The following PDXDC1 variants were observed in gnomAD, a reference collection of about 807,000 sequenced individuals.
The protein encoded by PDXDC1 is pyridoxal dependent decarboxylase domain containing 1.
Under a neutral mutation model 100.1 loss-of-function variants are expected in PDXDC1, and 42 were observed. The ratio of observed to expected loss-of-function variants is 0.42; its 90% CI spans 0.33 to 0.54. PDXDC1 has a LOEUF of 0.54. Ranked by LOEUF, PDXDC1 falls within the 20% of genes least tolerant of loss-of-function variation. The pLI is 0.10. For synonymous variants in PDXDC1, 260 were observed against 371.7 expected, an observed-to-expected ratio of 0.70 and a Z score of 3.46; for missense variants, 636 against 979.2, an observed-to-expected ratio of 0.65 and a Z score of 4.68.
chr16:15,148,735 C>A, the PDXDC1 span, among the ~76,000 whole-genome samples: 1 of 151,840 alleles, frequency 6.6e-6, no homozygotes, highest in Non-Finnish European at 1.5e-5. Context: ...CCTGTATGAT[C>A]TGGATGCAAG....
chr16:15,032,146 T>C, intron 17 of PDXDC1: 1 of 551,120 alleles, frequency 1.8e-6, no homozygotes, highest in East Asian at 2.9e-5. Context: ...GACTCTCAGC[T>C]ACCTAGGAGA....
chr16:15,132,356 G>A (rs1328264872), intron 16 of PDXDC1, among the ~76,000 whole-genome samples: 8 of 19,856 alleles, frequency 4.0e-4, no homozygotes, highest in Non-Finnish European at 4.2e-4. Context: ...TAGGGGAGGG[G>A]GGAGGGGCAA....
intron 16 of PDXDC1, chr16:15,074,905 T>G (rs745919614): frequency 1.3e-6 from 2 of 1,550,564 alleles, no homozygotes; most frequent in South Asian, 2.4e-5. Flanking sequence ...AAATTCAATG[T>G]CAAAGTGGTT....
At chr16:14,998,593 C>T (rs542648106) in intron 3 of PDXDC1, among the ~76,000 whole-genome samples, 188 bp downstream of exon 3, 22 of 152,372 alleles carry the variant, frequency 1.4e-4, no homozygotes, top group Non-Finnish European at 2.1e-4. Context: ...GGATTACAGG[C>T]GTGCACCACC....
At chr16:14,990,470 A>G (rs1970522690) in intron 1 of PDXDC1, among the ~76,000 whole-genome samples, 1 of 152,292 alleles carries the variant, frequency 6.6e-6, no homozygotes, top group African/African-American at 2.4e-5. Context: ...TGCCCCCAGT[A>G]GAAGCTTATG....
Position 15,131,218 on chromosome 16 carries a change from G to A in PDXDC1, c.1400-7661G>A, listed in dbSNP as rs778699778. The A allele has an allele frequency of 1.1e-5, 17 of 1,590,620 alleles. No individual in the cohort carries two copies. In the East Asian group the frequency reaches 3.8e-4, roughly 36 times the overall value. ...GTTGGCAGAGCTGCGGTGGCCCCGG[G>A]CAGCCCAGTCCGAGTTGTTGGGCAC... On this transcript the variant is annotated intron_variant, in intron 16 of 16. Transcript: ENST00000535621.
intron 16 of PDXDC1, chr16:15,131,074 C>A (rs756490510): frequency 1.1e-5 from 18 of 1,602,984 alleles, no homozygotes; most frequent in Non-Finnish European, 1.5e-5. Flanking sequence ...TGTGCCTCAC[C>A]CGCTGCACGC....
rs200427911 is a variant in PDXDC1 at position 14,984,521 on chromosome 16, G to A, written c.21+9301G>A. 8.0e-5 allele frequency among the ~76,000 whole-genome samples: 10 copies of A among 125,580 alleles called. No homozygotes were observed. In the East Asian group the frequency reaches 2.1e-3, roughly 26 times the overall value. The allele number at this position is 125,580 out of a possible 152,430, so 82.4% of individuals were successfully genotyped here. A position where few individuals can be genotyped will look rare whatever the true frequency, so the allele number is the denominator to read the frequency against. ...TTTTTTTTTTTTTTTTTTCTGAGACGGACTCTCACCCTGTCGCCCAGGCTG... is the reference window on the plus strand; with the variant it reads ...TTTTTTTTTTTTTTTTTTCTGAGACAGACTCTCACCCTGTCGCCCAGGCTG... On this transcript the variant is annotated intron_variant, in intron 1 of 22. Transcript: ENST00000396410.
intron 16 of PDXDC1, among the ~76,000 whole-genome samples, chr16:15,080,356 T>C (rs2045646882): frequency 6.6e-6 from 1 of 152,232 alleles, no homozygotes; most frequent in South Asian, 2.1e-4. Flanking sequence ...TCATATATCA[T>C]ACAATCACCA....
At chr16:14,980,001 A>C (rs1324406843) in intron 1 of PDXDC1, among the ~76,000 whole-genome samples, 1 of 152,296 alleles carries the variant, frequency 6.6e-6, no homozygotes, top group South Asian at 2.1e-4. Context: ...CAATGTTACA[A>C]TGTGAGGGTT....
At chr16:15,124,519 A>G (rs921014901) in intron 16 of PDXDC1, among the ~76,000 whole-genome samples, 27 of 152,054 alleles carry the variant, frequency 1.8e-4, no homozygotes, top group South Asian at 1.0e-3. Context: ...TCACGCCTGT[A>G]ATCCCAGCAC....
At chr16:15,001,955 T>C in intron 4 of PDXDC1, 99 bp downstream of exon 4, 2 of 912,386 alleles carry the variant, frequency 2.2e-6, no homozygotes, top group Non-Finnish European at 3.4e-6. Context: ...CTATATTTCA[T>C]TGAGTTACAT....
At chr16:15,076,811 A>G (rs1239249083) in intron 16 of PDXDC1, among the ~76,000 whole-genome samples, 1 of 152,194 alleles carries the variant, frequency 6.6e-6, no homozygotes, top group East Asian at 1.9e-4. Context: ...AAGCCTGTAA[A>G]CTGACCTAGG....
chr16:15,089,166 A>G (rs1179778939), intron 16 of PDXDC1, among the ~76,000 whole-genome samples: 3 of 151,986 alleles, frequency 2.0e-5, no homozygotes, highest in East Asian at 1.9e-4. Context: ...TTAGCTGGGC[A>G]TGGTGGCACA....
intron 1 of PDXDC1, among the ~76,000 whole-genome samples, chr16:14,983,846 A>G (rs1389949137): frequency 6.6e-6 from 1 of 152,262 alleles, no homozygotes; most frequent in Admixed American, 6.5e-5. Flanking sequence ...GTATATAGTG[A>G]TATTACCACC....
chr16:14,990,255 G>GACCGCGGCGCCC (rs1163151757), intron 1 of PDXDC1: 1 of 638,438 alleles, frequency 1.6e-6, no homozygotes, highest in African/African-American at 2.0e-5. Flanking sequence ...GCCCGGCCCA[G>GACCGCGGCGCCC]ACCGCGGCGC....
intron 16 of PDXDC1, among the ~76,000 whole-genome samples, chr16:15,049,039 A>G (rs1048925108): frequency 7.5e-6 from 1 of 134,042 alleles, no homozygotes; most frequent in Non-Finnish European, 1.6e-5. Context: ...GAGTACAGGC[A>G]CACACCGCCA....
intron 16 of PDXDC1, among the ~76,000 whole-genome samples, chr16:15,092,041 T>C (rs2046151791): frequency 6.6e-6 from 1 of 152,020 alleles, no homozygotes; most frequent in Non-Finnish European, 1.5e-5. Context: ...TAGCCAGGTG[T>C]GGTGGTGTGT....
chr16:15,071,125 G>A (rs769316847), intron 16 of PDXDC1: 7 of 1,606,332 alleles, frequency 4.4e-6, no homozygotes, highest in South Asian at 1.1e-5. Context: ...ACTTACATAA[G>A]AGGAATAAAT....
Sources: allele counts gnomAD v4.1 joint callset (sites outside exome capture counted in the v4.1 genomes callset), GRCh38; gene constraint gnomAD v4.1.1; transcripts MANE v1.5; gene names NCBI Gene and HGNC (gene_info 2026-07-23, HGNC 2026-07-21).